Variants in SAMMSON observed in about 807,000 individuals in gnomAD.
SAMMSON encodes long intergenic non-protein coding RNA 1212.
At chr3:70,308,448 G>A (rs1702424061) in intron 7 of SAMMSON, among the ~76,000 whole-genome samples, 1 of 151,976 alleles carries the variant, frequency 6.6e-6, no homozygotes, top group Non-Finnish European at 1.5e-5. Context: ...GATTTTTTGG[G>A]TCTGTCAATG....
intron 4 of SAMMSON, among the ~76,000 whole-genome samples, chr3:70,123,360 G>A (rs1394138755): frequency 6.6e-6 from 1 of 152,134 alleles, no homozygotes; most frequent in East Asian, 1.9e-4. Context: ...TCTGCCTCCC[G>A]AGCTCAGGCA....
chr3:70,430,326 C>T (rs997636694), intron 2 of SAMMSON, among the ~76,000 whole-genome samples: 5 of 152,050 alleles, frequency 3.3e-5, no homozygotes, highest in Non-Finnish European at 7.4e-5. Context: ...CTGGCTTGAT[C>T]GTGGTGAATA....
chr3:70,172,419 G>T (rs1308927371), intron 4 of SAMMSON: 1 of 151,882 alleles, frequency 6.6e-6, no homozygotes, highest in Non-Finnish European at 1.5e-5. Context: ...GAAATTCCAT[G>T]CCATTAAGAA....
chr3:70,136,495 AGCCCTGG>A (rs1240832645), intron 4 of SAMMSON, among the ~76,000 whole-genome samples: 1 of 152,228 alleles, frequency 6.6e-6, no homozygotes, highest in Non-Finnish European at 1.5e-5. Flanking sequence ...AAATGATTGC[AGCCCTGG>A]CTGACAGCTT....
Position 70,405,793 on chromosome 3 carries a change from G to A in SAMMSON, n.233+47469G>A, listed in dbSNP as rs538198558. 2.6e-5 allele frequency among the ~76,000 whole-genome samples: 4 copies of A among 152,214 alleles called. 1 individual carries two copies. The South Asian group carries it at 8.3e-4, about 32-fold the overall frequency. ...AGAAAAAGTATTTAAAGAAATAATG[G>A]CCAAAATTTGTTCACGTTTTATGAG... On this transcript the variant is annotated intron_variant and non_coding_transcript_variant, in intron 2 of 3. Coordinates refer to the SAMMSON transcript ENST00000641053.
chr3:70,089,033 G>A (rs2067296361), intron 4 of SAMMSON, among the ~76,000 whole-genome samples: 1 of 152,106 alleles, frequency 6.6e-6, no homozygotes, highest in South Asian at 2.1e-4. Flanking sequence ...GTCACTGAGA[G>A]TCAAAATAGA....
chr3:70,067,672 T>G (rs1398101564), intron 3 of SAMMSON, among the ~76,000 whole-genome samples: 7 of 152,114 alleles, frequency 4.6e-5, no homozygotes, highest in Non-Finnish European at 7.4e-5. Context: ...TTGTCATTTA[T>G]GCATTGGTGG....
At chr3:70,144,102 C>G (rs1398245074) in intron 4 of SAMMSON, among the ~76,000 whole-genome samples, 1 of 151,942 alleles carries the variant, frequency 6.6e-6, no homozygotes, top group African/African-American at 2.4e-5. Flanking sequence ...AAGAACTCAT[C>G]AAAAAATATT....
chr3:70,094,978 G>A (rs377407526), intron 4 of SAMMSON: 2 of 152,252 alleles, frequency 1.3e-5, no homozygotes, highest in African/African-American at 4.8e-5. Context: ...TCCCACAGGA[G>A]TCACAGGTAG....
chr3:70,317,499 C>A (rs1025765299), intron 7 of SAMMSON, among the ~76,000 whole-genome samples: 12 of 151,270 alleles, frequency 7.9e-5, no homozygotes, highest in African/African-American at 2.9e-4. Flanking sequence ...TTTTGTCTAA[C>A]CAAAAAATAG....
intron 7 of SAMMSON, among the ~76,000 whole-genome samples, chr3:70,292,692 T>C (rs1702250127): frequency 1.3e-5 from 2 of 152,072 alleles, no homozygotes. Context: ...GTTTTCTCTT[T>C]TTTGATGTAC....
At chr3:70,018,161 A>T (rs2066994934) in intron 3 of SAMMSON, among the ~76,000 whole-genome samples, 1 of 152,146 alleles carries the variant, frequency 6.6e-6, no homozygotes, top group African/African-American at 2.4e-5. Flanking sequence ...AAGGAATGGT[A>T]CCAGCTCCTT....
At chr3:70,137,101 A>G (rs968272722) in intron 4 of SAMMSON, among the ~76,000 whole-genome samples, 1 of 152,204 alleles carries the variant, frequency 6.6e-6, no homozygotes, top group African/African-American at 2.4e-5. Flanking sequence ...TCCAATGGTA[A>G]CAAGTTAGAT....
At chr3:70,040,008 T>C (rs866680046) in intron 3 of SAMMSON, among the ~76,000 whole-genome samples, 71 of 152,164 alleles carry the variant, frequency 4.7e-4, no homozygotes, top group African/African-American at 1.6e-3. Context: ...AACCATTTAT[T>C]TGTTAGTATG....
At chr3:70,202,498 A>ACAAGTT (rs1701249569) in intron 4 of SAMMSON, among the ~76,000 whole-genome samples, 1 of 152,162 alleles carries the variant, frequency 6.6e-6, no homozygotes, top group African/African-American at 2.4e-5. Context: ...AACCTTTGTC[A>ACAAGTT]CAAGTTCTTT....
At chr3:70,285,015 T>TTTTTTTA (rs1559553902) in intron 6 of SAMMSON, among the ~76,000 whole-genome samples, 1 of 151,896 alleles carries the variant, frequency 6.6e-6, no homozygotes, top group Non-Finnish European at 1.5e-5. Context: ...AAATTACCTA[T>TTTTTTTA]TTTTTTATTT....
intron 4 of SAMMSON, among the ~76,000 whole-genome samples, chr3:70,142,335 A>G (rs1416452266): frequency 6.6e-6 from 1 of 152,220 alleles, no homozygotes; most frequent in Non-Finnish European, 1.5e-5. Context: ...ATATATGTAT[A>G]TGATGGAATA....
chr3:70,017,693 C>G (rs2107579517), intron 3 of SAMMSON, among the ~76,000 whole-genome samples: 1 of 152,168 alleles, frequency 6.6e-6, no homozygotes, highest in East Asian at 1.9e-4. Flanking sequence ...CAGTTTTTGC[C>G]CATTCAGCAT....
At chr3:70,192,686 G>A (rs1451797908) in intron 4 of SAMMSON, among the ~76,000 whole-genome samples, 1 of 152,142 alleles carries the variant, frequency 6.6e-6, no homozygotes, top group Non-Finnish European at 1.5e-5. Context: ...GAAATAAGGA[G>A]CATCCAGCTA....
Sources: gnomAD v4.1 joint callset for allele counts (sites outside exome capture counted in the v4.1 genomes callset) on GRCh38, gnomAD v4.1.1 for gene constraint, MANE v1.5 for transcripts, NCBI Gene and HGNC (gene_info 2026-07-23, HGNC 2026-07-21) for gene names.